CATSPERD: variants seen among roughly 807,000 people sequenced by gnomAD.
CATSPERD encodes cation channel sperm-associated auxiliary subunit delta.
Under a neutral mutation model 98.1 loss-of-function variants are expected in CATSPERD, and 86 were observed. The observed-to-expected ratio is 0.88, with a 90% confidence interval of 0.74 to 1.05. CATSPERD has a LOEUF of 1.05. CATSPERD is among the 50% of genes least tolerant of loss of function. The pLI is 0.00. For missense variants in CATSPERD, 995 were observed against 1,005.7 expected (o/e 0.99, Z 0.14); for synonymous variants, 394 against 390.2 (o/e 1.01, Z -0.12).
chr19:5,767,316 C>A (rs373011281), intron 17 of CATSPERD, among the ~76,000 whole-genome samples: 1,973 of 78,382 alleles, frequency 0.025, 1 homozygote, highest in South Asian at 0.034. Flanking sequence ...GACTCTGTCT[C>A]AAAAAAAAAA....
At chr19:5,760,842 G>A (rs371344813) in intron 15 of CATSPERD, among the ~76,000 whole-genome samples, 3 of 151,758 alleles carry the variant, frequency 2.0e-5, no homozygotes, top group African/African-American at 7.3e-5. Context: ...GAGCTCAGGA[G>A]TTTCAGGTTG....
intron 4 of CATSPERD, among the ~76,000 whole-genome samples, chr19:5,731,471 C>A (rs1463606533): frequency 1.3e-5 from 2 of 150,604 alleles, no homozygotes; most frequent in East Asian, 3.9e-4. Context: ...TGAGTGGCAG[C>A]TTGAGACTAT....
chr19:5,739,870 G>A (rs1160246953), intron 7 of CATSPERD, among the ~76,000 whole-genome samples: 1 of 134,174 alleles, frequency 7.5e-6, no homozygotes, highest in Non-Finnish European at 1.6e-5. Flanking sequence ...TGGCTGGGAG[G>A]TTAGGGAAAA....
At chr19:5,764,981 G>T (rs944979426) in intron 16 of CATSPERD, among the ~76,000 whole-genome samples, 1 of 151,832 alleles carries the variant, frequency 6.6e-6, no homozygotes, top group Non-Finnish European at 1.5e-5. Flanking sequence ...CACAATCAAG[G>T]CTCACTGCAG....
intron 13 of CATSPERD, among the ~76,000 whole-genome samples, chr19:5,756,216 G>A (rs2145803031): frequency 6.6e-6 from 1 of 152,074 alleles, no homozygotes; most frequent in East Asian, 1.9e-4. Flanking sequence ...GGGAGGTGGA[G>A]GTTGCAGTGA....
chr19:5,751,531 CAAAAAAAAAAAAAAAAA>C (rs57266365), intron 11 of CATSPERD, 99 bp from the exon 12 acceptor site: 1,891 of 159,126 alleles, frequency 0.012, 15 homozygotes, highest in South Asian at 0.036. Flanking sequence ...GAGACTCCAT[CAAAAAAAAAAAAAAAAA>C]AAAAAAAAAA....
In CATSPERD at chr19:5,772,151, G is replaced by A. The variant is rs376979042; in HGVS notation, c.1764-637G>A. On this transcript the variant is annotated intron_variant, in intron 19 of 21. Transcript: ENST00000381624. Reference sequence around the variant, plus strand: ...CAGCCTTAACCTCCCAGGCTCAAGCGGTCCTCCTGCCTCAGCCTCCCAAGT... The same window carrying A: ...CAGCCTTAACCTCCCAGGCTCAAGCAGTCCTCCTGCCTCAGCCTCCCAAGT... 7.9e-5 allele frequency: 32 copies of A among 406,200 alleles called. 1 individual carries two copies. Among genetic ancestry groups the A allele is most frequent in the South Asian group, 2.4e-4 (14 of 58,022 alleles). The allele number at this position is 406,200 out of a possible 1,614,324, so 25.2% of individuals were successfully genotyped here.
chr19:5,747,348 T>G (rs1170078108), intron 9 of CATSPERD, among the ~76,000 whole-genome samples: 2 of 151,460 alleles, frequency 1.3e-5, no homozygotes, highest in African/African-American at 4.9e-5. Flanking sequence ...ACTTATTTTT[T>G]GTAGAGACGG....
At chr19:5,768,303 C>T in intron 18 of CATSPERD, 61 bp downstream of exon 18, 1 of 1,287,816 alleles carries the variant, frequency 7.8e-7, no homozygotes, top group Admixed American at 2.1e-5. Context: ...CTGCAAAAGC[C>T]AAGAGCAAAT....
chr19:5,749,335 T>C, intron 11 of CATSPERD, 152 bp downstream of exon 11: 1 of 434,002 alleles, frequency 2.3e-6, no homozygotes, highest in South Asian at 2.7e-5. Flanking sequence ...CTACTAAAAA[T>C]ACAAAAATTA....
chr19:5,775,664 A>G (rs539132669), intron 20 of CATSPERD, among the ~76,000 whole-genome samples: 2,679 of 150,284 alleles, frequency 0.018, 41 homozygotes, highest in Middle Eastern at 0.031. Context: ...AAAAAAAAAA[A>G]AAAGAAAGAA....
At position 5,757,875 on chromosome 19, in the gene CATSPERD, C is replaced by T. The variant is rs1332754921; in HGVS notation, c.1311C>T (p.Phe437=). The change falls in exon 14 of 22, where the codon TTC becomes TTT. Residue 437 remains phenylalanine (F), a synonymous_variant. Transcript: ENST00000381624. The stretch of plus-strand genomic sequence containing the variant: ...TGAGCAACCCCCACTCCCTGGGGTT[C>T]CAGGCCACCTTCTACGAGAACGGTT... The part of the protein sequence containing the change: ...VMVSNPHSLG[F]QATFYENGYT... 1.2e-6 allele frequency: 2 copies of T among 1,613,328 alleles called. No individual in the cohort carries two copies.
Position 5,754,516 on chromosome 19 carries a change from A to G in CATSPERD, c.1278+271A>G, listed in dbSNP as rs536632638. Among the ~76,000 whole-genome samples, 6 of 146,952 alleles carry G rather than the reference A, an allele frequency of 4.1e-5. No homozygotes were observed. In the South Asian group the frequency reaches 8.5e-4, roughly 21 times the overall value. ...TGGGCTCAAGCAATTCTCCTGCCTC[A>G]GCCTCCCGAGTAGCTGGGATTACCA... On this transcript the variant is annotated intron_variant, in intron 13 of 21. Transcript: ENST00000381624.
At chr19:5,761,629 C>T in intron 15 of CATSPERD, among the ~76,000 whole-genome samples, 1 of 7,048 alleles carries the variant, frequency 1.4e-4, no homozygotes, top group African/African-American at 3.5e-4. Context: ...GAAGGGGAAA[C>T]AAGGCATGTC....
At chr19:5,772,716 G>A in intron 19 of CATSPERD, 72 bp from the exon 20 acceptor site, 2 of 1,516,884 alleles carry the variant, frequency 1.3e-6, no homozygotes, top group Non-Finnish European at 1.8e-6. Context: ...CAGCCGTCCA[G>A]GTGGCTGTGG....
chr19:5,768,055 C>T (rs1465149085), intron 17 of CATSPERD, 113 bp from the exon 18 acceptor site: 1 of 832,338 alleles, frequency 1.2e-6, no homozygotes. Flanking sequence ...GCCTCAGCTC[C>T]CAAAGTGCTG....
At chr19:5,767,132 A>G (rs1246031370) in intron 17 of CATSPERD, among the ~76,000 whole-genome samples, 1 of 151,162 alleles carries the variant, frequency 6.6e-6, no homozygotes, top group Non-Finnish European at 1.5e-5. Context: ...CCTGGCTAAC[A>G]CAGTGAAACC....
chr19:5,768,285 CA>C (rs2145850265), intron 18 of CATSPERD, 43 bp downstream of exon 18: 1 of 1,525,676 alleles, frequency 6.6e-7, no homozygotes, highest in East Asian at 2.3e-5. Flanking sequence ...CCAAGGCGAC[CA>C]TTGGGCCTGC....
chr19:5,724,956 T>C, intron 2 of CATSPERD, 94 bp downstream of exon 2: 4 of 1,132,020 alleles, frequency 3.5e-6, no homozygotes, highest in Non-Finnish European at 4.0e-6. Flanking sequence ...GCCCGTGTTG[T>C]CAAGCATTTA....
Sources: allele counts gnomAD v4.1 joint callset (sites outside exome capture counted in the v4.1 genomes callset), GRCh38; gene constraint gnomAD v4.1.1; transcripts MANE v1.5; gene names NCBI Gene and HGNC (gene_info 2026-07-23, HGNC 2026-07-21).